POGLUT1: variants seen among roughly 807,000 people sequenced by gnomAD.
POGLUT1 encodes the protein protein O-glucosyltransferase 1, also known as 9630046K23Rik.
A neutral mutation model predicts 61.3 loss-of-function variants in POGLUT1; 32 were observed. The ratio of observed to expected loss-of-function variants is 0.52; its 90% CI spans 0.39 to 0.70. The LOEUF (loss-of-function observed/expected upper bound fraction) is 0.70. Ranked by LOEUF, POGLUT1 falls within the 30% of genes least tolerant of loss-of-function variation. POGLUT1 has a pLI of 0.00. For synonymous variants in POGLUT1, 158 were observed against 158.2 expected (o/e 1.00, Z 0.01); for missense variants, 411 against 469.8 (o/e 0.87, Z 1.16).
intron 5 of POGLUT1, among the ~76,000 whole-genome samples, chr3:119,482,196 C>T (rs540860394): frequency 1.3e-5 from 2 of 152,264 alleles, no homozygotes; most frequent in African/African-American, 4.8e-5. Flanking sequence ...AGCTCTTTTC[C>T]CACCTGCCAT....
Position 119,492,451 on chromosome 3 carries a change from G to A in POGLUT1, c.*13G>A. On this transcript the variant is annotated 3_prime_UTR_variant, in exon 11 of 11. Coordinates refer to ENST00000295588, the MANE Select transcript of POGLUT1 (RefSeq NM_152305.3). ...AACTGAACTATAGTAGTCATCATAGGACCATAGTCCTCTTTGTGGCAACAG... is the reference window on the plus strand; with the variant it reads ...AACTGAACTATAGTAGTCATCATAGAACCATAGTCCTCTTTGTGGCAACAG... 6.5e-7 allele frequency: 1 copy of A among 1,542,522 alleles called. No homozygotes were observed. The highest frequency in any genetic ancestry group is 8.8e-7 in the Non-Finnish European group (1 of 1,133,250).
rs1347125448 is a variant in POGLUT1 at position 119,471,370 on chromosome 3, G to T, written c.238G>T (p.Val80Leu). ...CATCTCCAGGAAGATGATGGCAGAG[G>T]TAGTCAGACGGAAGCTAGGGACCCA... ...GGISRKMMAE[V>L]VRRKLGTHYQ... Residue 80 changes from valine to leucine, a missense_variant, in exon 3 of 11, where the codon GTA (valine) becomes TTA (leucine). Coordinates refer to ENST00000295588, the MANE Select transcript of POGLUT1 (RefSeq NM_152305.3). The T allele has an allele frequency of 2.5e-6, 4 of 1,613,838 alleles. No homozygotes were observed. The highest frequency in any genetic ancestry group is 3.4e-6 in the Non-Finnish European group (4 of 1,179,728).
At chr3:119,474,665 G>A (rs1023038393) in intron 3 of POGLUT1, among the ~76,000 whole-genome samples, 4 of 151,834 alleles carry the variant, frequency 2.6e-5, no homozygotes, top group African/African-American at 9.7e-5. Context: ...GTGAAACCCC[G>A]ACTCTACTAA....
intron 5 of POGLUT1, among the ~76,000 whole-genome samples, chr3:119,480,832 A>G (rs1041425099): frequency 4.1e-5 from 6 of 147,784 alleles, no homozygotes; most frequent in African/African-American, 1.5e-4. Context: ...TCTGCCTCCC[A>G]GGTTCAAGCA....
In POGLUT1 at chr3:119,492,513, C is replaced by G. The variant is rs2081763505; in HGVS notation, c.*75C>G. The G allele has an allele frequency of 5.0e-6, 5 of 1,008,944 alleles. No homozygotes were observed. The highest frequency in any genetic ancestry group is 2.6e-5 in the Admixed American group (1 of 38,148). 62.5% of individuals were successfully genotyped at this position (1,008,944 alleles called of 1,614,324 possible). On this transcript the variant is annotated 3_prime_UTR_variant, in exon 11 of 11. Transcript: ENST00000295588. ...CCTACGGTGAGAAGCTTACCATAAG[C>G]TTGGCACCTATACCTTGAATATCTG...
intron 4 of POGLUT1, 86 bp downstream of exon 4, chr3:119,477,534 A>G (rs1285207898): frequency 7.7e-7 from 1 of 1,293,062 alleles, no homozygotes; most frequent in Admixed American, 1.8e-5. Flanking sequence ...ACATAGTCTG[A>G]TGGATAATGG....
intron 7 of POGLUT1, among the ~76,000 whole-genome samples, chr3:119,487,443 C>T (rs543306569): frequency 4.6e-5 from 7 of 152,118 alleles, no homozygotes; most frequent in South Asian, 2.1e-4. Flanking sequence ...AAAAATTAGC[C>T]GGGCATGGTG....
chr3:119,474,468 G>A (rs2081512944), intron 3 of POGLUT1, among the ~76,000 whole-genome samples: 1 of 152,012 alleles, frequency 6.6e-6, no homozygotes, highest in Non-Finnish European at 1.5e-5. Context: ...TCAGGCAGCC[G>A]CTGACTACTT....
chr3:119,480,270 C>T (rs562905888), intron 5 of POGLUT1, 98 bp downstream of exon 5: 177 of 978,130 alleles, frequency 1.8e-4, no homozygotes, highest in African/African-American at 9.3e-4. Context: ...TTTTTTGAGA[C>T]GGAGTTTCGC....
At chr3:119,479,378 T>G (rs1203946619) in intron 4 of POGLUT1, among the ~76,000 whole-genome samples, 1 of 152,230 alleles carries the variant, frequency 6.6e-6, no homozygotes, top group Admixed American at 6.5e-5. Context: ...TAGCCAATAT[T>G]TATCAAGTAT....
At chr3:119,482,734 G>A (rs2081620302) in intron 5 of POGLUT1, among the ~76,000 whole-genome samples, 2 of 152,184 alleles carry the variant, frequency 1.3e-5, no homozygotes, top group African/African-American at 4.8e-5. Context: ...CATCTGCACT[G>A]ATGTCTGCCT....
intron 5 of POGLUT1, among the ~76,000 whole-genome samples, 162 bp from the exon 6 acceptor site, chr3:119,485,166 A>G (rs2081650345): frequency 6.6e-6 from 1 of 152,134 alleles, no homozygotes; most frequent in Admixed American, 6.5e-5. Flanking sequence ...GCAGTCAGCC[A>G]AGATCGCGCC....
At chr3:119,487,514 G>A (rs915632632) in intron 7 of POGLUT1, among the ~76,000 whole-genome samples, 1 of 152,080 alleles carries the variant, frequency 6.6e-6, no homozygotes, top group Non-Finnish European at 1.5e-5. Context: ...TTGAACCTGG[G>A]AGGCAGAGAT....
Position 119,471,435 on chromosome 3 carries a change from C to T in POGLUT1, c.303C>T (p.Asp101=), listed in dbSNP as rs374962958. Residue 101 remains aspartate, a synonymous_variant, in exon 3 of 11, where the codon GAC becomes GAT. Transcript: ENST00000295588. The stretch of plus-strand genomic sequence containing the variant: ...AGAACAGACTGTACCGGGAAAATGA[C>T]TGCATGTTCCCCTCAAGGTAAGAGT... ...ITKNRLYREN[D]CMFPSRCSGV... is the part of the protein sequence containing the mutation. 2.5e-6 allele frequency: 4 copies of T among 1,613,888 alleles called. No homozygotes were observed. Among genetic ancestry groups the T allele is most frequent in the Admixed American group, 1.7e-5 (1 of 60,004 alleles).
At chr3:119,487,467 G>A (rs1235660124) in intron 7 of POGLUT1, among the ~76,000 whole-genome samples, 1 of 152,100 alleles carries the variant, frequency 6.6e-6, no homozygotes, top group Non-Finnish European at 1.5e-5. Flanking sequence ...TGTGCCGGTA[G>A]TCCCAGCTAC....
chr3:119,494,448 T>G lies in POGLUT1; in HGVS notation c.*2010T>G, dbSNP rs1213932219. 1 of 152,704 alleles carries G rather than the reference T, an allele frequency of 6.5e-6. No individual in the cohort carries two copies. The highest frequency in any genetic ancestry group is 1.9e-4 in the East Asian group (1 of 5,202). The allele number at this position is 152,704 out of a possible 1,614,324, so 9.5% of individuals were successfully genotyped here. A position where few individuals can be genotyped will look rare whatever the true frequency, so the allele number is the denominator to read the frequency against. On this transcript the variant is annotated 3_prime_UTR_variant, in exon 11 of 11. Transcript: ENST00000295588. The stretch of plus-strand genomic sequence containing the variant: ...AAGAGCCAATAAGGGCATCTTTGTC[T>G]TTAAATACAGCAAATGTTATTCAGA...
chr3:119,489,267 G>T (rs1304749217), intron 8 of POGLUT1: 1 of 251,414 alleles, frequency 4.0e-6, no homozygotes, highest in African/African-American at 2.2e-5. Context: ...CCCAATCATT[G>T]AAGTTAGAAT....
rs549064534 is a variant in POGLUT1, at chr3:119,469,374, C to G, written c.85+268C>G. ...CCGTTCACCCGCAGGAGGCGTGGCC[C>G]GTGCTTGGCTACTCTGGACCTGCCT... On this transcript the variant is annotated intron_variant, in intron 1 of 10. Coordinates refer to ENST00000295588, the MANE Select transcript of POGLUT1 (RefSeq NM_152305.3). 91 of 575,606 alleles carry G rather than the reference C, an allele frequency of 1.6e-4. No individual in the cohort carries two copies. In the East Asian group the frequency reaches 1.9e-3, roughly 12 times the overall value. The allele number at this position is 575,606 out of a possible 1,614,324, so 35.7% of individuals were successfully genotyped here. A position where few individuals can be genotyped will look rare whatever the true frequency, so the allele number is the denominator to read the frequency against.
chr3:119,484,573 C>T (rs983861019), intron 5 of POGLUT1, among the ~76,000 whole-genome samples: 7 of 152,206 alleles, frequency 4.6e-5, no homozygotes, highest in African/African-American at 1.7e-4. Flanking sequence ...CAAACTAAAT[C>T]TGATGACACT....
Sources: gnomAD v4.1 joint callset for allele counts (sites outside exome capture counted in the v4.1 genomes callset) on GRCh38, gnomAD v4.1.1 for gene constraint, MANE v1.5 for transcripts, NCBI Gene and HGNC (gene_info 2026-07-23, HGNC 2026-07-21) for gene names.